Variants in GPC5 observed in about 807,000 individuals in gnomAD.
GPC5 encodes glypican 5.
Under a neutral mutation model 53.9 loss-of-function variants are expected in GPC5, and 47 were observed. The observed-to-expected ratio is 0.87, with a 90% CI of 0.69 to 1.11. The LOEUF is 1.11. GPC5 is among the 50% of genes most tolerant of loss of function. The pLI is 0.00. For missense variants in GPC5, 748 were observed against 713.1 expected (o/e 1.05, Z -0.56); for synonymous variants, 286 against 263.3 (o/e 1.09, Z -0.84).
At chr13:92,557,599 A>T (rs1331037351) in intron 7 of GPC5, among the ~76,000 whole-genome samples, 4 of 151,994 alleles carry the variant, frequency 2.6e-5, no homozygotes, top group Admixed American at 6.6e-5. Flanking sequence ...TTAAGTTGCT[A>T]AAAACTCTAT....
At chr13:92,634,085 A>G (rs1885340814) in intron 7 of GPC5, among the ~76,000 whole-genome samples, 2 of 151,586 alleles carry the variant, frequency 1.3e-5, no homozygotes, top group African/African-American at 4.8e-5. Flanking sequence ...TTATCCTCAC[A>G]TTGTTGCCAT....
At chr13:91,556,522 GTA>G (rs202160698) in intron 2 of GPC5, among the ~76,000 whole-genome samples, 13 of 147,504 alleles carry the variant, frequency 8.8e-5, no homozygotes, top group Admixed American at 1.4e-4. Flanking sequence ...TGCAGTATGT[GTA>G]TATATATATA....
At chr13:91,485,210 TCC>T (rs1883529128) in intron 2 of GPC5, among the ~76,000 whole-genome samples, 1 of 121,536 alleles carries the variant, frequency 8.2e-6, no homozygotes, top group South Asian at 2.5e-4. Flanking sequence ...ATAATCTTGG[TCC>T]CTTTTTTTTT....
At chr13:92,167,962 C>A (rs2042043689) in intron 7 of GPC5, among the ~76,000 whole-genome samples, 1 of 152,068 alleles carries the variant, frequency 6.6e-6, no homozygotes, top group Non-Finnish European at 1.5e-5. Context: ...AGGTCCAAAC[C>A]TTGGGTGATG....
At chr13:91,432,858 A>G (rs1879603153) in intron 1 of GPC5, among the ~76,000 whole-genome samples, 1 of 152,180 alleles carries the variant, frequency 6.6e-6, no homozygotes, top group South Asian at 2.1e-4. Context: ...TGTCCTCAGC[A>G]ATGTGCTCCT....
At chr13:92,259,694 A>G (rs1027706228) in intron 7 of GPC5, among the ~76,000 whole-genome samples, 10 of 152,178 alleles carry the variant, frequency 6.6e-5, no homozygotes, top group African/African-American at 2.4e-4. Context: ...TGGACCTGGC[A>G]GGTGCTTGGA....
chr13:91,700,956 G>A (rs2035978636), intron 3 of GPC5, among the ~76,000 whole-genome samples: 1 of 152,096 alleles, frequency 6.6e-6, no homozygotes, highest in Non-Finnish European at 1.5e-5. Context: ...TAGGTCTTCA[G>A]GTGCATCACT....
intron 7 of GPC5, among the ~76,000 whole-genome samples, chr13:92,694,672 C>T (rs1361359759): frequency 6.6e-6 from 1 of 152,202 alleles, no homozygotes; most frequent in African/African-American, 2.4e-5. Flanking sequence ...TTTAAAGGCT[C>T]ATAGATGAAA....
intron 7 of GPC5, among the ~76,000 whole-genome samples, chr13:92,750,182 A>G (rs1566399745): frequency 6.6e-6 from 1 of 152,146 alleles, no homozygotes; most frequent in Non-Finnish European, 1.5e-5. Context: ...GAAGTCATAA[A>G]AGGTAGAGTC....
At chr13:92,577,754 A>C (rs1183565566) in intron 7 of GPC5, among the ~76,000 whole-genome samples, 1 of 151,930 alleles carries the variant, frequency 6.6e-6, no homozygotes, top group Non-Finnish European at 1.5e-5. Flanking sequence ...AGTGAGTAAA[A>C]GTCATGTGAG....
At chr13:92,448,065 G>A (rs965262204) in intron 7 of GPC5, 4 of 152,040 alleles carry the variant, frequency 2.6e-5, no homozygotes, top group African/African-American at 9.7e-5. Context: ...TGAAGAAAAT[G>A]CAGCTTTACT....
intron 6 of GPC5, chr13:91,994,996 G>C (rs1030569055): frequency 2.9e-5 from 4 of 136,248 alleles, no homozygotes; most frequent in African/African-American, 3.7e-5. Flanking sequence ...TTTTGAGACA[G>C]AGTCTTGCTC....
At chr13:92,384,613 G>A (rs2043777132) in intron 7 of GPC5, among the ~76,000 whole-genome samples, 1 of 152,070 alleles carries the variant, frequency 6.6e-6, no homozygotes, top group South Asian at 2.1e-4. Context: ...GATCTTAAAA[G>A]CAGACAATTC....
chr13:92,758,338 G>C (rs868843549), intron 7 of GPC5, among the ~76,000 whole-genome samples: 11 of 126,452 alleles, frequency 8.7e-5, no homozygotes, highest in African/African-American at 2.9e-4. Flanking sequence ...GTTGTGGGGT[G>C]GGGGGAGGGA....
chr13:91,480,076 G>A (rs548227849), intron 2 of GPC5, among the ~76,000 whole-genome samples: 1 of 152,272 alleles, frequency 6.6e-6, no homozygotes, highest in African/African-American at 2.4e-5. Context: ...TTTGTTGGGT[G>A]TATTTATATC....
At chr13:92,398,219 G>A (rs1438321004) in intron 7 of GPC5, among the ~76,000 whole-genome samples, 1 of 151,602 alleles carries the variant, frequency 6.6e-6, no homozygotes, top group African/African-American at 2.4e-5. Flanking sequence ...CACGAGGTCA[G>A]GAGATCGAGA....
chr13:92,545,620 T>C (rs1882082472), intron 7 of GPC5, among the ~76,000 whole-genome samples: 1 of 152,186 alleles, frequency 6.6e-6, no homozygotes, highest in Non-Finnish European at 1.5e-5. Context: ...TTCTAACTGG[T>C]GTGAGACGGT....
intron 1 of GPC5, among the ~76,000 whole-genome samples, 189 bp downstream of exon 1, chr13:91,399,398 G>T (rs61970356): frequency 6.6e-6 from 1 of 152,184 alleles, no homozygotes; most frequent in African/African-American, 2.4e-5. Context: ...CAGCTCTGGG[G>T]ACCCCTAACC....
At chr13:91,719,557 C>A (rs151289498) in intron 3 of GPC5, among the ~76,000 whole-genome samples, 1 of 152,290 alleles carries the variant, frequency 6.6e-6, no homozygotes, top group Non-Finnish European at 1.5e-5. Context: ...CTAACTTACT[C>A]CATTATTTTT....
Sources: allele counts gnomAD v4.1 joint callset (sites outside exome capture counted in the v4.1 genomes callset), GRCh38; gene constraint gnomAD v4.1.1; transcripts MANE v1.5; gene names NCBI Gene and HGNC (gene_info 2026-07-23, HGNC 2026-07-21).